PPP1R13B: variants seen among roughly 807,000 people sequenced by gnomAD.
PPP1R13B encodes the protein apoptosis-stimulating of p53 protein 1.
A neutral mutation model predicts 119.8 loss-of-function variants in PPP1R13B; 44 were observed. That is an observed-to-expected ratio of 0.37 (90% CI 0.29 to 0.47). PPP1R13B has a LOEUF of 0.47. Among genes scored for constraint, PPP1R13B ranks in the 20% least tolerant of loss-of-function variants. The probability of loss-of-function intolerance (pLI) is 0.99; values close to 1 mark genes in which losing one functional copy is unlikely to be tolerated. For missense variants in PPP1R13B, 1,227 were observed against 1,413.5 expected, an observed-to-expected ratio of 0.87 and a Z score of 2.12; for synonymous variants, 542 against 561.5, an observed-to-expected ratio of 0.97 and a Z score of 0.49.
In PPP1R13B at chr14:103,736,069, G is replaced by A. The variant is rs534232929; in HGVS notation, c.3165C>T (p.Ser1055=). 27 of 1,614,202 alleles carry A rather than the reference G, an allele frequency of 1.7e-5. No homozygotes were observed. The highest frequency in any genetic ancestry group is 6.7e-5 in the African/African-American group (5 of 75,052). Residue 1055 remains serine, a synonymous_variant, in exon 16 of 17, where the codon AGC becomes AGT. Transcript: ENST00000202556. ...GGCGAGCCCACCACCACTCAGTCTC[G>A]CTTTCGTCCTTGCGCCTCAGGATGG... is the stretch of plus-strand genomic sequence containing the variant. ...ALTILRRKDE[S]ETEWWWARLG...
At chr14:103,771,534 G>A (rs2085069594) in intron 4 of PPP1R13B, among the ~76,000 whole-genome samples, 1 of 140,532 alleles carries the variant, frequency 7.1e-6, no homozygotes, top group East Asian at 2.1e-4. Context: ...AGGCTGGAGT[G>A]CGATGGCGTG....
chr14:103,816,822 T>C (rs2086293493), intron 1 of PPP1R13B, among the ~76,000 whole-genome samples: 1 of 152,088 alleles, frequency 6.6e-6, no homozygotes, highest in Non-Finnish European at 1.5e-5. Flanking sequence ...ACAAAGATAA[T>C]TAGAAAAATA....
intron 1 of PPP1R13B, among the ~76,000 whole-genome samples, chr14:103,799,941 C>T (rs1288835952): frequency 6.6e-6 from 1 of 151,960 alleles, no homozygotes; most frequent in African/African-American, 2.4e-5. Context: ...GTCCCAGCTA[C>T]TCAGGAGGCT....
chr14:103,809,871 G>A (rs2086106697), intron 1 of PPP1R13B, among the ~76,000 whole-genome samples: 1 of 151,428 alleles, frequency 6.6e-6, no homozygotes, highest in African/African-American at 2.4e-5. Flanking sequence ...CTGTCGCCCA[G>A]GCTGGAGTGC....
chr14:103,742,729 C>A lies in PPP1R13B; in HGVS notation c.1245G>T (p.Val415=). Residue 415 remains valine, a synonymous_variant, in exon 10 of 17, where the codon GTG becomes GTT. Coordinates refer to ENST00000202556, the MANE Select transcript of PPP1R13B (RefSeq NM_015316.3). This position sits in a 1 kb window ranked among gnomAD's most constrained non-coding sequence, Gnocchi z 4.9. ...CAGTGCCCTGCTTGACAGACCCCTC[C>A]ACGCTCGGATCCTTCCAGTCTGCAC... ...VAGADWKDPS[V]EGSVKQGTVS... 2 of 1,614,152 alleles carry A rather than the reference C, an allele frequency of 1.2e-6. No homozygotes were observed. The highest frequency in any genetic ancestry group is 1.7e-6 in the Non-Finnish European group (2 of 1,180,040).
At chr14:103,789,230 T>G (rs1252163661) in intron 2 of PPP1R13B, among the ~76,000 whole-genome samples, 3 of 152,212 alleles carry the variant, frequency 2.0e-5, no homozygotes, top group East Asian at 1.9e-4. Context: ...CAATTTTTTT[T>G]TTGGGGGGGA....
At chr14:103,830,503 A>T (rs561290167) in intron 1 of PPP1R13B, among the ~76,000 whole-genome samples, 7 of 152,202 alleles carry the variant, frequency 4.6e-5, no homozygotes, top group Non-Finnish European at 1.0e-4. Context: ...AGACGCAGAG[A>T]AATTAAGTAA....
At chr14:103,832,397 G>A (rs1308571056) in intron 1 of PPP1R13B, among the ~76,000 whole-genome samples, 1 of 152,142 alleles carries the variant, frequency 6.6e-6, no homozygotes, top group Non-Finnish European at 1.5e-5. Flanking sequence ...GTCTGCCAAC[G>A]ACTACCCCTC....
In PPP1R13B at chr14:103,753,111, A is replaced by C. The variant is rs1353953464; in HGVS notation, c.717T>G (p.Ser239Arg). 3 of 1,613,974 alleles carry C rather than the reference A, an allele frequency of 1.9e-6. No homozygotes were observed. Among genetic ancestry groups the C allele is most frequent in the Non-Finnish European group, 2.5e-6 (3 of 1,180,036 alleles). The change falls in exon 7 of 17, where the codon AGT becomes AGG. Residue 239 changes from serine to arginine, a missense_variant. Coordinates refer to ENST00000202556, the MANE Select transcript of PPP1R13B (RefSeq NM_015316.3). ...QTAILRVDQL[S>R]QQLEDLKKGK... Reference sequence around the variant, plus strand: ...CTTTCTTTAAATCTTCCAATTGCTGACTAAGCTGATCAACCCTTAAAATTG... The same window carrying C: ...CTTTCTTTAAATCTTCCAATTGCTGCCTAAGCTGATCAACCCTTAAAATTG...
At chr14:103,771,239 T>C (rs939979325) in intron 4 of PPP1R13B, among the ~76,000 whole-genome samples, 1 of 152,060 alleles carries the variant, frequency 6.6e-6, no homozygotes, top group Non-Finnish European at 1.5e-5. Flanking sequence ...ACAAAGGCCT[T>C]TCAGGAAAGG....
At chr14:103,786,684 G>A (rs1036128172) in intron 2 of PPP1R13B, among the ~76,000 whole-genome samples, 2 of 146,770 alleles carry the variant, frequency 1.4e-5, no homozygotes, top group Non-Finnish European at 3.0e-5. Context: ...AGAATCACTT[G>A]AACCTAGGAG....
intron 1 of PPP1R13B, among the ~76,000 whole-genome samples, chr14:103,824,775 T>C (rs2086498387): frequency 6.6e-6 from 1 of 151,896 alleles, no homozygotes; most frequent in Admixed American, 6.6e-5. Context: ...AATAAAAGGG[T>C]AATAAATATT....
intron 1 of PPP1R13B, 137 bp downstream of exon 1, chr14:103,847,162 G>GCGCC: frequency 1.0e-6 from 1 of 990,440 alleles, no homozygotes; most frequent in Non-Finnish European, 1.2e-6. Flanking sequence ...GCGGCCGGGC[G>GCGCC]CGCCCGCCCA....
intron 4 of PPP1R13B, 124 bp from the exon 5 acceptor site, chr14:103,757,875 G>T: frequency 1.6e-6 from 1 of 618,970 alleles, no homozygotes; most frequent in Non-Finnish European, 2.7e-6. Context: ...GTACCAACTA[G>T]TTTATTTTCT....
At chr14:103,817,246 G>A (rs1352788224) in intron 1 of PPP1R13B, among the ~76,000 whole-genome samples, 2 of 152,152 alleles carry the variant, frequency 1.3e-5, no homozygotes, top group Non-Finnish European at 1.5e-5. Flanking sequence ...GACCACCGTT[G>A]TTACTGCACA....
At chr14:103,816,088 C>A (rs988019546) in intron 1 of PPP1R13B, among the ~76,000 whole-genome samples, 14 of 151,660 alleles carry the variant, frequency 9.2e-5, no homozygotes, top group Middle Eastern at 3.4e-3. Context: ...CATCTCAAAA[C>A]AAACAAACAA....
chr14:103,847,654 C>A (rs1213403942), upstream of PPP1R13B: 26 of 978,692 alleles, frequency 2.7e-5, no homozygotes, highest in Non-Finnish European at 3.0e-5. Flanking sequence ...GTCCCGTAGC[C>A]CCCTCTGATT....
At chr14:103,794,795 T>C (rs764986127) in intron 2 of PPP1R13B, 16 of 281,902 alleles carry the variant, frequency 5.7e-5, no homozygotes, top group Admixed American at 1.8e-4. Context: ...TCCAGCTTCG[T>C]TGGCCATTTT....
chr14:103,742,913 C>T lies in PPP1R13B; in HGVS notation c.1151-90G>A. 1.4e-6 allele frequency: 2 copies of T among 1,413,858 alleles called. No individual in the cohort carries two copies. Among genetic ancestry groups the T allele is most frequent in the Non-Finnish European group, 2.0e-6 (2 of 1,023,774 alleles). 87.6% of individuals were successfully genotyped at this position (1,413,858 alleles called of 1,614,324 possible). ...CACTCTGCCAGAAACAAAAACAGCA[C>T]TGGGACATCCCATTCTGATGCAGAT... On this transcript the variant is annotated intron_variant, in intron 9 of 16. Transcript: ENST00000202556. This position sits in a 1 kb window ranked among gnomAD's most constrained non-coding sequence, Gnocchi z 4.9.
Sources: gnomAD v4.1 joint callset for allele counts (sites outside exome capture counted in the v4.1 genomes callset) on GRCh38, gnomAD v4.1.1 for gene constraint, Gnocchi (gnomAD v3.1) non-coding constraint, MANE v1.5 for transcripts, NCBI Gene and HGNC (gene_info 2026-07-23, HGNC 2026-07-21) for gene names.